The following EPB41L4B variants were observed in gnomAD, a reference collection of about 807,000 sequenced individuals.
EPB41L4B encodes the protein erythrocyte membrane protein band 4.1 like 4B, also known as band 4.1-like protein 4B.
Under a neutral mutation model 112.5 loss-of-function variants are expected in EPB41L4B, and 30 were observed. That is an observed-to-expected ratio of 0.27 (90% confidence interval 0.20 to 0.36). The LOEUF (loss-of-function observed/expected upper bound fraction) is 0.36, where lower values mean the gene tolerates loss of function less well. Ranked by LOEUF, EPB41L4B falls within the 10% of genes least tolerant of loss-of-function variation. The pLI, the probability that EPB41L4B is intolerant of heterozygous loss-of-function variation, is 1.00. For synonymous variants in EPB41L4B, 408 were observed against 439.7 expected, an observed-to-expected ratio of 0.93 and a Z score of 0.90; for missense variants, 1,024 against 1,133.3, an observed-to-expected ratio of 0.90 and a Z score of 1.38.
chr9:109,262,147 C>T (rs575495684), intron 6 of EPB41L4B, among the ~76,000 whole-genome samples: 3 of 152,280 alleles, frequency 2.0e-5, no homozygotes, highest in African/African-American at 7.2e-5. Flanking sequence ...AGACCTCTTA[C>T]CATCCAGTTC....
intron 15 of EPB41L4B, among the ~76,000 whole-genome samples, chr9:109,237,950 G>T (rs117063698): frequency 1.3e-5 from 2 of 152,128 alleles, no homozygotes; most frequent in Non-Finnish European, 2.9e-5. Flanking sequence ...GATTTCAGTG[G>T]AGTGAACTGT....
chr9:109,301,735 T>G (rs1010609544), intron 1 of EPB41L4B, among the ~76,000 whole-genome samples: 2 of 152,222 alleles, frequency 1.3e-5, no homozygotes, highest in Non-Finnish European at 2.9e-5. Flanking sequence ...CCATCTTATA[T>G]GGGTAAGCTA....
chr9:109,282,402 G>T (rs936490188), intron 1 of EPB41L4B, among the ~76,000 whole-genome samples: 1 of 152,190 alleles, frequency 6.6e-6, no homozygotes, highest in Non-Finnish European at 1.5e-5. Context: ...TATGACACGT[G>T]AATCTAAAGA....
chr9:109,318,126 CTGCCTGTGGACAGGGGGCATATACGTG>C (rs1837700874), intron 1 of EPB41L4B, among the ~76,000 whole-genome samples: 1 of 151,492 alleles, frequency 6.6e-6, no homozygotes, highest in Non-Finnish European at 1.5e-5. Flanking sequence ...TGCTTTTTAT[CTGCCTGTGGACAGGGGGCATATACGTG>C]TGTGTGTGTG....
At chr9:109,278,106 C>A (rs1223847737) in intron 2 of EPB41L4B, among the ~76,000 whole-genome samples, 2 of 152,166 alleles carry the variant, frequency 1.3e-5, no homozygotes, top group African/African-American at 4.8e-5. Context: ...GGGTAGGACA[C>A]TGGTCGGCCC....
chr9:109,264,859 C>A, intron 5 of EPB41L4B, 121 bp downstream of exon 5: 3 of 743,748 alleles, frequency 4.0e-6, no homozygotes, highest in South Asian at 4.5e-5. Context: ...CTTTACAATG[C>A]CTGGTGCACT....
At position 109,174,605 on chromosome 9, in the gene EPB41L4B, C is replaced by T; in HGVS notation, c.2652G>A (p.Gln884=). The change falls in exon 26 of 26, where the codon CAG becomes CAA. Residue 884 remains glutamine (Q), a synonymous_variant. Coordinates refer to ENST00000374566, the MANE Select transcript of EPB41L4B (RefSeq NM_019114.5). ...TCATCATCTTCTCTCTCTCCAGTTC[C>T]TGCCGGAGTGTCTCTGCACTAAAAA... ...SLAASAETLR[Q]ELEREKMMKR... is the part of the protein sequence containing the mutation. The T allele has an allele frequency of 3.1e-6, 5 of 1,614,096 alleles. No individual in the cohort carries two copies. The highest frequency in any genetic ancestry group is 4.2e-6 in the Non-Finnish European group (5 of 1,179,966).
intron 15 of EPB41L4B, chr9:109,239,886 G>A (rs1834293436): frequency 1.0e-6 from 1 of 985,354 alleles, no homozygotes. Context: ...AAATCCCACT[G>A]CCACCACTTC....
intron 1 of EPB41L4B, among the ~76,000 whole-genome samples, chr9:109,293,392 T>C (rs1187573362): frequency 2.0e-5 from 3 of 151,566 alleles, no homozygotes; most frequent in African/African-American, 4.8e-5. Context: ...TTTTTTTTTT[T>C]TTTCCTTGAG....
chr9:109,254,531 G>A (rs1834911006), intron 11 of EPB41L4B, among the ~76,000 whole-genome samples: 1 of 152,186 alleles, frequency 6.6e-6, no homozygotes, highest in Non-Finnish European at 1.5e-5. Context: ...TGTGTGGGTA[G>A]AGGTTATGAA....
At chr9:109,242,177 G>C (rs1834374863) in intron 15 of EPB41L4B, among the ~76,000 whole-genome samples, 1 of 152,246 alleles carries the variant, frequency 6.6e-6, no homozygotes, top group African/African-American at 2.4e-5. Context: ...TTTGCCAAAA[G>C]TGTTGGACTA....
chr9:109,213,934 T>A, intron 16 of EPB41L4B, 116 bp from the exon 17 acceptor site: 1 of 824,254 alleles, frequency 1.2e-6, no homozygotes, highest in East Asian at 2.5e-5. Flanking sequence ...GGCCTCCTCC[T>A]CCAGCAGCTC....
At chr9:109,265,046 C>A in intron 4 of EPB41L4B, 22 bp from the exon 5 acceptor site, 1 of 1,595,914 alleles carries the variant, frequency 6.3e-7, no homozygotes, top group Non-Finnish European at 8.5e-7. Flanking sequence ...ATACAAAAGT[C>A]AACAGAGGGT....
intron 22 of EPB41L4B, among the ~76,000 whole-genome samples, chr9:109,185,875 C>T (rs368838225): frequency 2.0e-4 from 29 of 147,770 alleles, no homozygotes; most frequent in African/African-American, 7.2e-4. Flanking sequence ...AGATGACATA[C>T]CAAGACCCCA....
Position 109,200,311 on chromosome 9 carries a change from T to G in EPB41L4B, c.1970A>C (p.Glu657Ala), listed in dbSNP as rs1832779210. ...CTTTTCCACAGCTGGCTGGGCAGTT[T>G]CCACACGAATAGGAATAGGACTTCT... ...SVRSPIPIRVETAQPAVEKPE... is the reference protein window; with the variant it reads ...SVRSPIPIRVATAQPAVEKPE... The change falls in exon 20 of 26, where the codon GAA becomes GCA. Residue 657 changes from glutamate to alanine, a missense_variant. Coordinates refer to ENST00000374566, the MANE Select transcript of EPB41L4B (RefSeq NM_019114.5). 1.9e-6 allele frequency: 3 copies of G among 1,614,126 alleles called. No homozygotes were observed. The highest frequency in any genetic ancestry group is 2.5e-6 in the Non-Finnish European group (3 of 1,180,006).
intron 2 of EPB41L4B, among the ~76,000 whole-genome samples, chr9:109,274,903 C>T (rs572414148): frequency 1.8e-4 from 27 of 152,162 alleles, no homozygotes; most frequent in Admixed American, 2.6e-4. Context: ...GGGCTCAGGG[C>T]GAGAACTGGG....
chr9:109,306,034 G>A (rs1293020210), intron 1 of EPB41L4B, among the ~76,000 whole-genome samples: 4 of 152,190 alleles, frequency 2.6e-5, no homozygotes, highest in Non-Finnish European at 4.4e-5. Context: ...AGTGACAGCC[G>A]TGAAGAAAAA....
chr9:109,312,176 A>G (rs1454596211), intron 1 of EPB41L4B, among the ~76,000 whole-genome samples: 1 of 152,226 alleles, frequency 6.6e-6, no homozygotes, highest in Non-Finnish European at 1.5e-5. Flanking sequence ...AAGGATATAC[A>G]CCACGCTTAT....
intron 15 of EPB41L4B, among the ~76,000 whole-genome samples, 190 bp downstream of exon 15, chr9:109,243,427 CA>C (rs1834425547): frequency 6.6e-6 from 1 of 152,100 alleles, no homozygotes. Context: ...TTTCACAAAG[CA>C]TACCTTTGAT....
Sources: allele counts gnomAD v4.1 joint callset (sites outside exome capture counted in the v4.1 genomes callset), GRCh38; gene constraint gnomAD v4.1.1; transcripts MANE v1.5; gene names NCBI Gene and HGNC (gene_info 2026-07-23, HGNC 2026-07-21).